ADD1: variants seen among roughly 807,000 people sequenced by gnomAD.
The protein encoded by ADD1 is alpha-adducin.
In ADD1, 24 loss-of-function variants were observed where a neutral mutation model predicts 80.5. The ratio of observed to expected loss-of-function variants is 0.30; its 90% CI spans 0.22 to 0.42. ADD1 has a LOEUF of 0.42. Ranked by LOEUF, ADD1 falls within the 10% of genes least tolerant of loss-of-function variation. The pLI is 1.00. For synonymous variants in ADD1, 373 were observed against 393.8 expected (o/e 0.95, Z 0.63); for missense variants, 948 against 1,019.0 (o/e 0.93, Z 0.95).
In ADD1 at chr4:2,852,189, T is replaced by TCTTC. The variant is rs1553815103; in HGVS notation, c.-21+8168_-21+8169insCCTT. Among the ~76,000 whole-genome samples, 19 of 50,832 alleles carry TCTTC rather than the reference T, an allele frequency of 3.7e-4. No homozygotes were observed. In the South Asian group the frequency reaches 3.8e-3, roughly 10 times the overall value. 33.3% of individuals were successfully genotyped at this position (50,832 alleles called of 152,430 possible). On this transcript the variant is annotated intron_variant, in intron 1 of 15. Coordinates refer to ENST00000683351, the MANE Select transcript of ADD1 (RefSeq NM_001354761.2). ...TTCTTTCTTTCTTTCTTTCTTTCTTTCTTTCTTTCCTTTCTTTCCTTTCCT... is the reference window on the plus strand; with the variant it reads ...TTCTTTCTTTCTTTCTTTCTTTCTTTCTTCCTTTCTTTCCTTTCTTTCCTTTCCT...
chr4:2,852,000 G>A (rs1383813794), intron 1 of ADD1, among the ~76,000 whole-genome samples: 1 of 151,964 alleles, frequency 6.6e-6, no homozygotes, highest in African/African-American at 2.4e-5. Flanking sequence ...CACTACGCCC[G>A]GCTAATTTTT....
In ADD1 at chr4:2,926,622, T is replaced by C; in HGVS notation, c.2047+510T>C. On this transcript the variant is annotated intron_variant, in intron 15 of 15. Transcript: ENST00000683351. This position sits in a 1 kb window ranked among gnomAD's most constrained non-coding sequence, Gnocchi z 5.0. Reference sequence around the variant, plus strand: ...TTCTCTCCTTGTGCTTTTTTCTCCCTGTGGCTGCGTCACAAGCAGGAGACG... The same window carrying C: ...TTCTCTCCTTGTGCTTTTTTCTCCCCGTGGCTGCGTCACAAGCAGGAGACG... The C allele has an allele frequency of 1.2e-6, 2 of 1,613,548 alleles. No homozygotes were observed. The highest frequency in any genetic ancestry group is 1.7e-6 in the Non-Finnish European group (2 of 1,179,740).
At chr4:2,870,245 A>G (rs1730213896) in intron 1 of ADD1, among the ~76,000 whole-genome samples, 1 of 152,232 alleles carries the variant, frequency 6.6e-6, no homozygotes, top group African/African-American at 2.4e-5. Context: ...AGGTTTAGTT[A>G]CACATTAATA....
chr4:2,908,599 G>C lies in ADD1; in HGVS notation c.1693G>C (p.Val565Leu). ...LCGVVMDRSL[V>L]QDAPLSDCTE... is the part of the protein sequence containing the mutation. The stretch of plus-strand genomic sequence containing the variant: ...TGGTGTAGTGATGGACAGGAGCCTC[G>C]TCCAGGTGAGAGCCCAGAGTGTCTC... The change falls in exon 12 of 16, where the codon GTC becomes CTC. Residue 565 changes from valine (V) to leucine (L), a missense_variant. Coordinates refer to ENST00000683351, the MANE Select transcript of ADD1 (RefSeq NM_001354761.2). 1 of 1,614,048 alleles carries C rather than the reference G, an allele frequency of 6.2e-7. No individual in the cohort carries two copies. Among genetic ancestry groups the C allele is most frequent in the South Asian group, 1.1e-5 (1 of 91,084 alleles).
chr4:2,859,883 C>G (rs965167865), intron 1 of ADD1, among the ~76,000 whole-genome samples: 3 of 150,962 alleles, frequency 2.0e-5, no homozygotes, highest in Admixed American at 2.0e-4. Context: ...TTCCATCTTA[C>G]TGTTTTATAA....
At chr4:2,867,027 C>T (rs541540866) in intron 1 of ADD1, among the ~76,000 whole-genome samples, 5 of 152,164 alleles carry the variant, frequency 3.3e-5, no homozygotes, top group Non-Finnish European at 5.9e-5. Context: ...GCCAACATCA[C>T]GCCACTGCAC....
At chr4:2,880,463 CTTTTTTTTTTTTTT>C (rs1167878841) in intron 2 of ADD1, among the ~76,000 whole-genome samples, 7 of 63,166 alleles carry the variant, frequency 1.1e-4, no homozygotes, top group South Asian at 1.4e-3. Flanking sequence ...TTCTTTCTTT[CTTTTTTTTTTTTTT>C]TTTTTTTTTT....
intron 2 of ADD1, among the ~76,000 whole-genome samples, chr4:2,877,639 C>T (rs2108903802): frequency 6.6e-6 from 1 of 152,130 alleles, no homozygotes; most frequent in Non-Finnish European, 1.5e-5. Flanking sequence ...AAGGTTTAAT[C>T]TGAACTCAAT....
intron 11 of ADD1, 109 bp downstream of exon 11, chr4:2,907,953 G>A (rs961683775): frequency 1.2e-6 from 1 of 808,220 alleles, no homozygotes; most frequent in South Asian, 1.4e-5. Context: ...ATCTGCTGTT[G>A]TTGCCACTGT....
At chr4:2,898,725 G>T in intron 8 of ADD1, 194 bp downstream of exon 8, 1 of 596,466 alleles carries the variant, frequency 1.7e-6, no homozygotes, top group Non-Finnish European at 3.0e-6. Flanking sequence ...GGATTACTGG[G>T]CTTTTCATTT....
At position 2,908,536 on chromosome 4, in the gene ADD1, G is replaced by T. The variant is rs1194715729; in HGVS notation, c.1630G>T (p.Asp544Tyr). ...RNKIREQNLQDIKTAGPQSQV... is the reference protein window; with the variant it reads ...RNKIREQNLQYIKTAGPQSQV... Reference sequence around the variant, plus strand: ...TCAGATCCGAGAGCAGAATTTACAGGACATTAAGACGGCTGGCCCTCAGTC... The same window carrying T: ...TCAGATCCGAGAGCAGAATTTACAGTACATTAAGACGGCTGGCCCTCAGTC... Residue 544 changes from aspartate to tyrosine, a missense_variant, in exon 12 of 16, where the codon GAC becomes TAC. Transcript: ENST00000683351. The T allele has an allele frequency of 6.2e-7, 1 of 1,614,236 alleles. No individual in the cohort carries two copies. The highest frequency in any genetic ancestry group is 1.3e-5 in the African/African-American group (1 of 75,064).
At chr4:2,885,429 TCTA>T (rs1393670859) in intron 4 of ADD1, among the ~76,000 whole-genome samples, 1 of 152,164 alleles carries the variant, frequency 6.6e-6, no homozygotes, top group Non-Finnish European at 1.5e-5. Flanking sequence ...TTAAGCCTTC[TCTA>T]CTATCTTTGA....
At chr4:2,886,116 G>A (rs1258499282) in intron 4 of ADD1, among the ~76,000 whole-genome samples, 1 of 152,130 alleles carries the variant, frequency 6.6e-6, no homozygotes, top group African/African-American at 2.4e-5. Flanking sequence ...TGTACCTTAT[G>A]CAGATGTCTA....
chr4:2,921,494 C>T (rs1471725413), intron 14 of ADD1, among the ~76,000 whole-genome samples: 3 of 152,176 alleles, frequency 2.0e-5, no homozygotes, highest in African/African-American at 4.8e-5. Flanking sequence ...AGGGTTTCTG[C>T]AGAGAGATCT....
intron 12 of ADD1, chr4:2,908,904 G>A (rs1001680282): frequency 5.4e-5 from 26 of 481,570 alleles, no homozygotes; most frequent in African/African-American, 4.5e-4. Context: ...GTTCAGCAGC[G>A]TTCTGTGTAA....
At position 2,882,030 on chromosome 4, in the gene ADD1, C is replaced by G. The variant is rs1732439322; in HGVS notation, c.328C>G (p.Pro110Ala). ...TNVPNVYPAA[P>A]QGGMAALNMS... is the part of the protein sequence containing the mutation. Reference sequence around the variant, plus strand: ...TGTACCAAATGTCTACCCAGCAGCTCCGCAAGGAGGGATGGCTGCCTTAAA... The same window carrying G: ...TGTACCAAATGTCTACCCAGCAGCTGCGCAAGGAGGGATGGCTGCCTTAAA... Residue 110 changes from proline to alanine, a missense_variant, in exon 3 of 16, where the codon CCG becomes GCG. By Grantham distance (27) the Pro-to-Ala change is conservative. Coordinates refer to ENST00000683351, the MANE Select transcript of ADD1 (RefSeq NM_001354761.2). The G allele has an allele frequency of 1.2e-6, 2 of 1,610,342 alleles. No individual in the cohort carries two copies. Among genetic ancestry groups the G allele is most frequent in the Non-Finnish European group, 1.7e-6 (2 of 1,179,086 alleles).
intron 1 of ADD1, chr4:2,855,159 A>G (rs950127160): frequency 7.9e-5 from 12 of 152,160 alleles, no homozygotes; most frequent in Non-Finnish European, 1.3e-4. Context: ...ATACTTAATT[A>G]TATCTGTAGT....
In ADD1 at chr4:2,901,767, C is replaced by T. The variant is rs1577643353; in HGVS notation, c.1161+2332C>T. 3 of 151,856 alleles carry T rather than the reference C, an allele frequency of 2.0e-5. No individual in the cohort carries two copies. The South Asian group carries it at 6.2e-4, about 32-fold the overall frequency. The allele number at this position is 151,856 out of a possible 1,614,324, so 9.4% of individuals were successfully genotyped here. ...GCCTGGGCAACATAGCGAGATTCCT[C>T]TCCACAAAAAATAAAAAAATTTCAA... On this transcript the variant is annotated intron_variant, in intron 9 of 15. Coordinates refer to ENST00000683351, the MANE Select transcript of ADD1 (RefSeq NM_001354761.2).
intron 6 of ADD1, 46 bp from the exon 7 acceptor site, chr4:2,898,138 T>A (rs373602091): frequency 1.1e-5 from 18 of 1,580,470 alleles, no homozygotes; most frequent in Non-Finnish European, 1.5e-5. Flanking sequence ...TCAGTCATTG[T>A]GTAACCCCAG....
Sources: allele counts gnomAD v4.1 joint callset (sites outside exome capture counted in the v4.1 genomes callset), GRCh38; gene constraint gnomAD v4.1.1; non-coding constraint Gnocchi (gnomAD v3.1); transcripts MANE v1.5; gene names NCBI Gene and HGNC (gene_info 2026-07-23, HGNC 2026-07-21).